The following SLCO5A1 variants were observed in gnomAD, a reference collection of about 807,000 sequenced individuals.
The protein encoded by SLCO5A1 is solute carrier organic anion transporter family member 5A1.
SLCO5A1 carries 39 observed loss-of-function variants against 65.1 expected under a neutral mutation model. That is an observed-to-expected ratio of 0.60 (90% CI 0.46 to 0.78). The LOEUF (loss-of-function observed/expected upper bound fraction) is 0.78. SLCO5A1 is among the 30% of genes least tolerant of loss of function. The pLI is 0.00. For missense variants in SLCO5A1, 1,029 were observed against 1,069.4 expected, an observed-to-expected ratio of 0.96 and a Z score of 0.53; for synonymous variants, 438 against 415.7, an observed-to-expected ratio of 1.05 and a Z score of -0.65.
At chr8:69,781,856 C>T (rs1818811223) in intron 2 of SLCO5A1, among the ~76,000 whole-genome samples, 1 of 152,066 alleles carries the variant, frequency 6.6e-6, no homozygotes, top group African/African-American at 2.4e-5. Flanking sequence ...GGGGTTTCTC[C>T]ATGTTGGTCA....
intron 6 of SLCO5A1, among the ~76,000 whole-genome samples, chr8:69,692,799 T>C (rs1814330548): frequency 6.6e-6 from 1 of 152,208 alleles, no homozygotes; most frequent in Non-Finnish European, 1.5e-5. Context: ...TCTCCTAAGA[T>C]AACAATGCCT....
chr8:69,820,718 G>C (rs150395422), intron 2 of SLCO5A1, among the ~76,000 whole-genome samples: 7 of 151,718 alleles, frequency 4.6e-5, no homozygotes, highest in Non-Finnish European at 7.4e-5. Flanking sequence ...ATATTTTTCC[G>C]TACAATATTT....
intron 2 of SLCO5A1, among the ~76,000 whole-genome samples, chr8:69,782,622 T>A (rs1563721353): frequency 6.6e-6 from 1 of 151,540 alleles, no homozygotes; most frequent in South Asian, 2.1e-4. Context: ...ATTTTTGTTA[T>A]CTGACAATAA....
chr8:69,782,083 G>A (rs914013753), intron 2 of SLCO5A1, among the ~76,000 whole-genome samples: 2 of 152,126 alleles, frequency 1.3e-5, no homozygotes, highest in African/African-American at 4.8e-5. Flanking sequence ...GGGGCAAGGG[G>A]AGGGAGAGCA....
At chr8:69,702,806 T>C (rs1191053305) in intron 6 of SLCO5A1, among the ~76,000 whole-genome samples, 1 of 151,988 alleles carries the variant, frequency 6.6e-6, no homozygotes, top group African/African-American at 2.4e-5. Flanking sequence ...CAAAACTACA[T>C]GTGGTTAAGA....
At chr8:69,759,656 T>G (rs1421948528) in intron 3 of SLCO5A1, among the ~76,000 whole-genome samples, 1 of 152,180 alleles carries the variant, frequency 6.6e-6, no homozygotes, top group Non-Finnish European at 1.5e-5. Context: ...TATTTATTTA[T>G]TTATTTTGAG....
intron 2 of SLCO5A1, among the ~76,000 whole-genome samples, chr8:69,819,893 G>A (rs1315176767): frequency 6.6e-6 from 1 of 152,146 alleles, no homozygotes; most frequent in Middle Eastern, 3.2e-3. Context: ...AACCCGGGAG[G>A]TGGAGGTTGC....
rs1821232448 is a variant in SLCO5A1 at position 69,832,804 on chromosome 8, C to A, written c.-131G>T. 2.7e-6 allele frequency: 3 copies of A among 1,094,186 alleles called. No homozygotes were observed. The highest frequency in any genetic ancestry group is 2.5e-6 in the Non-Finnish European group (2 of 785,980). The allele number at this position is 1,094,186 out of a possible 1,614,324, so 67.8% of individuals were successfully genotyped here. Reference sequence around the variant, plus strand: ...TGGGACTGGGGCTGGGGGCGCAGGGCCGCGCAGCAGGGCATCCTCACCAGC... The same window carrying A: ...TGGGACTGGGGCTGGGGGCGCAGGGACGCGCAGCAGGGCATCCTCACCAGC... On this transcript the variant is annotated 5_prime_UTR_variant, in exon 2 of 10. Transcript: ENST00000260126. The surrounding 1 kb of genome is among the most constrained non-coding windows in gnomAD (Gnocchi z 4.5).
chr8:69,825,500 G>T (rs1820840698), intron 2 of SLCO5A1, among the ~76,000 whole-genome samples: 1 of 152,114 alleles, frequency 6.6e-6, no homozygotes, highest in African/African-American at 2.4e-5. Flanking sequence ...CAAACAGAGA[G>T]CCAAATCATG....
chr8:69,690,934 G>C (rs1473625217), intron 6 of SLCO5A1, among the ~76,000 whole-genome samples: 1 of 152,170 alleles, frequency 6.6e-6, no homozygotes, highest in Non-Finnish European at 1.5e-5. Flanking sequence ...TAGACAGTAA[G>C]TAAGTACTAA....
intron 2 of SLCO5A1, among the ~76,000 whole-genome samples, chr8:69,817,247 T>G (rs1269804638): frequency 6.6e-6 from 1 of 152,246 alleles, no homozygotes; most frequent in African/African-American, 2.4e-5. Context: ...TATATAGTAT[T>G]TGTCTTTTTG....
chr8:69,699,194 C>G (rs543876073), intron 6 of SLCO5A1, among the ~76,000 whole-genome samples: 10 of 152,336 alleles, frequency 6.6e-5, no homozygotes, highest in African/African-American at 2.4e-4. Context: ...CCCTCATACT[C>G]CCTGTTTTCT....
chr8:69,745,359 C>T (rs1191841337), intron 4 of SLCO5A1, among the ~76,000 whole-genome samples: 1 of 151,968 alleles, frequency 6.6e-6, no homozygotes, highest in Non-Finnish European at 1.5e-5. Context: ...TTATGTTCTT[C>T]TAAAGAGCCC....
rs530905877 is a variant in SLCO5A1, at chr8:69,815,791, A to T, written c.907+15976T>A. On this transcript the variant is annotated intron_variant, in intron 2 of 9. Transcript: ENST00000260126. Reference sequence around the variant, plus strand: ...AAATTTTTTAAGCTGATGGGAACTAAATTAACTAAAGAAACCATGAAAGCC... The same window carrying T: ...AAATTTTTTAAGCTGATGGGAACTATATTAACTAAAGAAACCATGAAAGCC... Among the ~76,000 whole-genome samples, 13 of 152,198 alleles carry T rather than the reference A, an allele frequency of 8.5e-5. No individual in the cohort carries two copies. In the South Asian group the frequency reaches 2.7e-3, roughly 32 times the overall value.
chr8:69,741,818 T>G (rs949189629), intron 4 of SLCO5A1, among the ~76,000 whole-genome samples: 6 of 152,232 alleles, frequency 3.9e-5, no homozygotes, highest in African/African-American at 1.4e-4. Flanking sequence ...GTTACTTGCT[T>G]GTACCTTTTT....
At chr8:69,803,183 A>G (rs1046648592) in intron 2 of SLCO5A1, among the ~76,000 whole-genome samples, 1 of 152,064 alleles carries the variant, frequency 6.6e-6, no homozygotes, top group East Asian at 1.9e-4. Context: ...TGGGAGGCCA[A>G]GGCGGGTGGA....
At chr8:69,725,766 T>C (rs140932312) in intron 5 of SLCO5A1, among the ~76,000 whole-genome samples, 15 of 152,322 alleles carry the variant, frequency 9.8e-5, no homozygotes, top group African/African-American at 1.2e-4. Context: ...TCTTTGTTGA[T>C]TGAACCAAGG....
At chr8:69,774,334 C>T (rs1006628270) in intron 2 of SLCO5A1, among the ~76,000 whole-genome samples, 4 of 152,168 alleles carry the variant, frequency 2.6e-5, no homozygotes, top group Non-Finnish European at 5.9e-5. Context: ...CAGAGTTGGT[C>T]CCTATGGTTT....
Position 69,784,902 on chromosome 8 carries a change from GAAAGA to G in SLCO5A1, c.908-23032_908-23028del, listed in dbSNP as rs1563723020. 7.2e-4 allele frequency among the ~76,000 whole-genome samples: 32 copies of G among 44,358 alleles called. No homozygotes were observed. In the South Asian group the frequency reaches 0.012, roughly 17 times the overall value. The allele number at this position is 44,358 out of a possible 152,430, so 29.1% of individuals were successfully genotyped here. A position where few individuals can be genotyped will look rare whatever the true frequency, so the allele number is the denominator to read the frequency against. The stretch of plus-strand genomic sequence containing the variant: ...AAGAAAGAAAGAAGAAAGGAAGAAA[GAAAGA>G]AAGAAAGAAAGAAAGAAAGAAAGAA... On this transcript the variant is annotated intron_variant, in intron 2 of 9. Transcript: ENST00000260126.
Sources: allele counts gnomAD v4.1 joint callset (sites outside exome capture counted in the v4.1 genomes callset), GRCh38; gene constraint gnomAD v4.1.1; non-coding constraint Gnocchi (gnomAD v3.1); transcripts MANE v1.5; gene names NCBI Gene and HGNC (gene_info 2026-07-23, HGNC 2026-07-21).